Variants in RARB observed in about 807,000 individuals in gnomAD.
RARB encodes HBV-activated protein.
Under a neutral mutation model 51.9 loss-of-function variants are expected in RARB, and 17 were observed. The observed-to-expected ratio is 0.33, with a 90% CI of 0.22 to 0.49. The LOEUF is 0.49. Among genes scored for constraint, RARB ranks in the 20% least tolerant of loss-of-function variants. RARB has a pLI of 0.99. For synonymous variants in RARB, 215 were observed against 195.4 expected, an observed-to-expected ratio of 1.10 and a Z score of -0.84; for missense variants, 369 against 550.8, an observed-to-expected ratio of 0.67 and a Z score of 3.30.
chr3:25,566,485 G>A (rs1446220202), intron 3 of RARB, among the ~76,000 whole-genome samples: 1 of 152,212 alleles, frequency 6.6e-6, no homozygotes, highest in Non-Finnish European at 1.5e-5. Flanking sequence ...ACAGAAAATG[G>A]TGCTCTGGCT....
chr3:25,502,349 G>A (rs900747777), intron 3 of RARB, among the ~76,000 whole-genome samples: 2 of 152,174 alleles, frequency 1.3e-5, no homozygotes, highest in East Asian at 3.9e-4. Flanking sequence ...ACCCTTGGGT[G>A]AAAACTGATT....
chr3:25,255,312 C>T (rs1353476723), intron 5 of RARB, among the ~76,000 whole-genome samples: 2 of 152,092 alleles, frequency 1.3e-5, no homozygotes, highest in African/African-American at 2.4e-5. Context: ...CAGTGACTAG[C>T]GGTAAGTGAT....
intron 2 of RARB, among the ~76,000 whole-genome samples, chr3:24,967,350 G>C (rs1366131927): frequency 6.6e-6 from 1 of 152,094 alleles, no homozygotes; most frequent in East Asian, 1.9e-4. Context: ...GGCTACCTAT[G>C]TTTGCCCAAG....
In RARB at chr3:25,428,749, T is replaced by A. The variant is rs745416080; in HGVS notation, c.18T>A (p.Asp6Glu). 6.2e-7 allele frequency: 1 copy of A among 1,613,966 alleles called. No homozygotes were observed. Among genetic ancestry groups the A allele is most frequent in the Non-Finnish European group, 8.5e-7 (1 of 1,179,982 alleles). ...GGGAGATCATGTTTGACTGTATGGATGTTCTGTCAGTGAGTCCTGGGCAAA... is the reference window on the plus strand; with the variant it reads ...GGGAGATCATGTTTGACTGTATGGAAGTTCTGTCAGTGAGTCCTGGGCAAA... The part of the protein sequence containing the change: MFDCM[D>E]VLSVSPGQIL... Residue 6 changes from aspartate (D) to glutamate (E), a missense_variant, in exon 1 of 8, where the codon GAT becomes GAA. Physicochemically the swap from Asp to Glu is conservative, Grantham distance 45 (BLOSUM62 2). Transcript: ENST00000330688.
chr3:25,528,838 C>CATTCTTCGTAAAATGA (rs58501110), intron 3 of RARB, among the ~76,000 whole-genome samples: 2 of 151,822 alleles, frequency 1.3e-5, no homozygotes, highest in African/African-American at 2.4e-5. Flanking sequence ...AAAACGCAGC[C>CATTCTTCGTAAAATGA]AAACATGAAG....
chr3:24,912,841 A>G (rs1395924043), intron 2 of RARB, among the ~76,000 whole-genome samples: 2 of 152,106 alleles, frequency 1.3e-5, no homozygotes, highest in African/African-American at 2.4e-5. Context: ...AATGTTTTTC[A>G]AAGTGTAACT....
chr3:25,346,962 C>A (rs1705414167), intron 5 of RARB, among the ~76,000 whole-genome samples: 1 of 152,130 alleles, frequency 6.6e-6, no homozygotes, highest in Admixed American at 6.5e-5. Context: ...GAGTAGTCTT[C>A]CATGTAGGTA....
At chr3:24,956,302 T>C (rs1459963658) in intron 2 of RARB, among the ~76,000 whole-genome samples, 1 of 152,198 alleles carries the variant, frequency 6.6e-6, no homozygotes, top group Non-Finnish European at 1.5e-5. Flanking sequence ...ATTTGTCAAA[T>C]GTGTATAATA....
chr3:24,954,909 T>C (rs73820343), intron 2 of RARB, among the ~76,000 whole-genome samples: 1 of 152,014 alleles, frequency 6.6e-6, no homozygotes. Context: ...AGGGGAGTGT[T>C]TTGGGGCTCT....
intron 1 of RARB, among the ~76,000 whole-genome samples, chr3:25,453,352 A>T (rs1054917597): frequency 6.9e-6 from 1 of 145,960 alleles, no homozygotes; most frequent in Non-Finnish European, 1.5e-5. Context: ...GGTTCAAGCG[A>T]TTCTCCTGCC....
At chr3:25,210,978 C>T (rs1701682595) in intron 5 of RARB, among the ~76,000 whole-genome samples, 1 of 152,044 alleles carries the variant, frequency 6.6e-6, no homozygotes, top group Non-Finnish European at 1.5e-5. Context: ...GAGTATATTA[C>T]CCTTCTGTGC....
chr3:24,932,840 T>C (rs1695469544), intron 2 of RARB, among the ~76,000 whole-genome samples: 1 of 152,118 alleles, frequency 6.6e-6, no homozygotes, highest in Non-Finnish European at 1.5e-5. Flanking sequence ...ACAGAATTCA[T>C]GGAGGTGCTA....
At chr3:25,102,363 C>T (rs1450860157) in intron 3 of RARB, among the ~76,000 whole-genome samples, 1 of 151,268 alleles carries the variant, frequency 6.6e-6, no homozygotes, top group African/African-American at 2.4e-5. Flanking sequence ...CAACATGGTG[C>T]AACCCTGTCT....
At chr3:24,972,626 C>A (rs6802439) in intron 2 of RARB, among the ~76,000 whole-genome samples, 3 of 151,820 alleles carry the variant, frequency 2.0e-5, no homozygotes, top group East Asian at 1.9e-4. Flanking sequence ...AAGGGTTCCC[C>A]TTTCTCCACA....
intron 2 of RARB, among the ~76,000 whole-genome samples, chr3:25,494,251 A>ACACACACACGCACGCGCGCGCG (rs1443411582): frequency 2.7e-4 from 21 of 77,120 alleles, no homozygotes; most frequent in East Asian, 1.0e-3. Context: ...GCTGTATCTT[A>ACACACACACGCACGCGCGCGCG]CGCACACACA....
intron 5 of RARB, among the ~76,000 whole-genome samples, chr3:25,393,691 G>A (rs568344870): frequency 6.6e-6 from 1 of 151,976 alleles, no homozygotes; most frequent in Admixed American, 6.6e-5. Flanking sequence ...GTTCTAGTTT[G>A]TGCACGTGAA....
chr3:25,403,588 T>A (rs1160999569), intron 5 of RARB, among the ~76,000 whole-genome samples: 1 of 152,188 alleles, frequency 6.6e-6, no homozygotes, highest in Non-Finnish European at 1.5e-5. Flanking sequence ...AAGATAAAAT[T>A]ACCCTGGCTT....
intron 3 of RARB, among the ~76,000 whole-genome samples, chr3:25,115,984 G>T (rs890189968): frequency 6.6e-6 from 1 of 152,060 alleles, no homozygotes; most frequent in African/African-American, 2.4e-5. Context: ...AGAATCCTGA[G>T]AATTCTCTCC....
At chr3:24,866,451 C>T (rs1459594486) in intron 2 of RARB, among the ~76,000 whole-genome samples, 1 of 152,154 alleles carries the variant, frequency 6.6e-6, no homozygotes, top group African/African-American at 2.4e-5. Context: ...AGGCAAGGCA[C>T]TCTGGATTGT....
Sources: gnomAD v4.1 joint callset for allele counts (sites outside exome capture counted in the v4.1 genomes callset) on GRCh38, gnomAD v4.1.1 for gene constraint, MANE v1.5 for transcripts, NCBI Gene and HGNC (gene_info 2026-07-23, HGNC 2026-07-21) for gene names.